The following NINL variants were observed in gnomAD, a reference collection of about 807,000 sequenced individuals.
NINL encodes ninein-like protein.
Under a neutral mutation model 160.3 loss-of-function variants are expected in NINL, and 153 were observed. The observed-to-expected ratio is 0.95, with a 90% confidence interval of 0.84 to 1.09. The LOEUF is 1.09. Among genes scored for constraint, NINL ranks in the 50% least tolerant of loss-of-function variants. The pLI, the probability that NINL is intolerant of heterozygous loss-of-function variation, is 0.00. For synonymous variants in NINL, 800 were observed against 734.8 expected (o/e 1.09, Z -1.43); for missense variants, 1,829 against 1,764.0 (o/e 1.04, Z -0.66).
intron 19 of NINL, 141 bp downstream of exon 19, chr20:25,467,248 G>A: frequency 1.3e-6 from 1 of 743,152 alleles, no homozygotes; most frequent in African/African-American, 1.7e-5. Flanking sequence ...ACTTTGATGG[G>A]GCCTGGGGGC....
At position 25,526,434 on chromosome 20, in the gene NINL, G is replaced by C; in HGVS notation, c.154C>G (p.Leu52Val). The C allele has an allele frequency of 6.2e-7, 1 of 1,613,016 alleles. No homozygotes were observed. The highest frequency in any genetic ancestry group is 1.1e-5 in the South Asian group (1 of 91,054). Residue 52 changes from leucine (L) to valine (V), a missense_variant, in exon 2 of 24, where the codon CTT becomes GTT. Leu to Val is a conservative substitution (Grantham distance 32). Transcript: ENST00000278886. ...CTGGCGAAATGGTCGTTTCCGAGAA[G>C]CGTCTGCAGGAGGACGGGCAGCTGC... ...EQQLPVLLQT[L>V]LGNDHFARVN...
intron 1 of NINL, among the ~76,000 whole-genome samples, chr20:25,541,041 T>C (rs535987462): frequency 1.6e-4 from 24 of 152,278 alleles, no homozygotes; most frequent in African/African-American, 4.8e-4. Context: ...TTACTTTCCC[T>C]ACAAAGTAGA....
At chr20:25,499,293 G>T in intron 8 of NINL, 3 of 932,476 alleles carry the variant, frequency 3.2e-6, no homozygotes, top group Non-Finnish European at 3.8e-6. Context: ...CGCCACAGCA[G>T]CCTGAGGTCA....
intron 14 of NINL, among the ~76,000 whole-genome samples, chr20:25,480,980 C>T (rs541776916): frequency 6.6e-6 from 1 of 152,182 alleles, no homozygotes; most frequent in Admixed American, 6.5e-5. Context: ...GTTGGGGTGG[C>T]GCCTCAGGAG....
At chr20:25,580,152 G>A (rs774179326) in intron 1 of NINL, among the ~76,000 whole-genome samples, 17 of 152,148 alleles carry the variant, frequency 1.1e-4, no homozygotes, top group Non-Finnish European at 1.3e-4. Context: ...AGACAACGTG[G>A]TGAAACCCCG....
At chr20:25,499,232 C>T (rs1400154824) in intron 8 of NINL, 1 of 985,270 alleles carries the variant, frequency 1.0e-6, no homozygotes. Flanking sequence ...GCTGTCCCTA[C>T]ACAAGCACAC....
At chr20:25,510,631 T>C in intron 5 of NINL, 43 bp downstream of exon 5, 1 of 1,577,282 alleles carries the variant, frequency 6.3e-7, no homozygotes, top group Non-Finnish European at 8.7e-7. Flanking sequence ...TTCAAAGCTC[T>C]GGGCAAAGGC....
chr20:25,474,396 CACGAAGGAAGA>C (rs1343283755), intron 17 of NINL, among the ~76,000 whole-genome samples: 1 of 152,198 alleles, frequency 6.6e-6, no homozygotes, highest in Non-Finnish European at 1.5e-5. Context: ...TGGAAATGCA[CACGAAGGAAGA>C]ACAGACGGAC....
At chr20:25,580,062 G>A (rs1335956208) in intron 1 of NINL, among the ~76,000 whole-genome samples, 1 of 152,150 alleles carries the variant, frequency 6.6e-6, no homozygotes, top group Admixed American at 6.5e-5. Flanking sequence ...GCTGGGCATG[G>A]TGGCTCAAGC....
intron 16 of NINL, among the ~76,000 whole-genome samples, chr20:25,477,562 G>C (rs1766150083): frequency 6.6e-6 from 1 of 152,242 alleles, no homozygotes; most frequent in African/African-American, 2.4e-5. Context: ...TGGCCCGCAG[G>C]AGAGTCCAGT....
intron 18 of NINL, among the ~76,000 whole-genome samples, chr20:25,468,964 A>C (rs1195033699): frequency 4.3e-4 from 35 of 81,438 alleles, no homozygotes; most frequent in Admixed American, 8.5e-4. Context: ...TGGGTGCCCC[A>C]CTGCCCTGTC....
At chr20:25,530,307 T>C (rs2064434539) in intron 1 of NINL, among the ~76,000 whole-genome samples, 1 of 152,192 alleles carries the variant, frequency 6.6e-6, no homozygotes, top group Admixed American at 6.5e-5. Flanking sequence ...CTGAACACAT[T>C]ATTTTCCAAC....
intron 13 of NINL, among the ~76,000 whole-genome samples, chr20:25,485,759 GTA>G (rs1051704187): frequency 6.6e-5 from 10 of 152,196 alleles, no homozygotes; most frequent in Admixed American, 6.5e-4. Context: ...GCTTTAGAAG[GTA>G]TAGTAAATAA....
At chr20:25,552,905 C>A (rs1323387670) in intron 1 of NINL, among the ~76,000 whole-genome samples, 2 of 152,210 alleles carry the variant, frequency 1.3e-5, no homozygotes, top group African/African-American at 4.8e-5. Context: ...CCTGGAGAAT[C>A]AGGGTCTGGC....
chr20:25,498,064 G>T, intron 9 of NINL, 146 bp downstream of exon 9: 1 of 992,590 alleles, frequency 1.0e-6, no homozygotes, highest in South Asian at 1.5e-5. Flanking sequence ...AGAGAGCACG[G>T]GACAGACAGT....
At chr20:25,462,799 C>A in intron 19 of NINL, 1 of 345,528 alleles carries the variant, frequency 2.9e-6, no homozygotes, top group East Asian at 7.5e-5. Context: ...GGACCACAGG[C>A]ACACGTCACC....
In NINL at chr20:25,476,297, C is replaced by G. The variant is rs1369499379; in HGVS notation, c.2994G>C (p.Gln998His). 6.2e-7 allele frequency: 1 copy of G among 1,613,370 alleles called. No homozygotes were observed. Among genetic ancestry groups the G allele is most frequent in the Non-Finnish European group, 8.5e-7 (1 of 1,179,950 alleles). ...RGTQEQASEQ[Q>H]ARAEGALEPG... Reference sequence around the variant, plus strand: ...GCTCCAGGGCGCCCTCGGCCCGGGCCTGCTGCTCCGAGGCCTGCTCCTGGG... The same window carrying G: ...GCTCCAGGGCGCCCTCGGCCCGGGCGTGCTGCTCCGAGGCCTGCTCCTGGG... Residue 998 changes from glutamine to histidine, a missense_variant, in exon 17 of 24, where the codon CAG becomes CAC. By Grantham distance (24) the Gln-to-His change is conservative. Coordinates refer to ENST00000278886, the MANE Select transcript of NINL (RefSeq NM_025176.6).
Position 25,526,395 on chromosome 20 carries a change from G to C in NINL, c.180+13C>G, listed in dbSNP as rs1244741688. 6.2e-7 allele frequency: 1 copy of C among 1,604,522 alleles called. No individual in the cohort carries two copies. On this transcript the variant is annotated intron_variant, in intron 2 of 23. Coordinates refer to ENST00000278886, the MANE Select transcript of NINL (RefSeq NM_025176.6). ...CCGTGCTTTCCTTTATGACAATGAAGTCCAACACTCACCCTGGCGAAATGG... is the reference window on the plus strand; with the variant it reads ...CCGTGCTTTCCTTTATGACAATGAACTCCAACACTCACCCTGGCGAAATGG...
chr20:25,548,459 C>T (rs1015459621), intron 1 of NINL, among the ~76,000 whole-genome samples: 2 of 152,160 alleles, frequency 1.3e-5, no homozygotes, highest in African/African-American at 4.8e-5. Flanking sequence ...ATGGGCTGGC[C>T]CTGAGCACCC....
Sources: gnomAD v4.1 joint callset for allele counts (sites outside exome capture counted in the v4.1 genomes callset) on GRCh38, gnomAD v4.1.1 for gene constraint, MANE v1.5 for transcripts, NCBI Gene and HGNC (gene_info 2026-07-23, HGNC 2026-07-21) for gene names.